Variants in ZNF516 observed in about 807,000 individuals in gnomAD.
ZNF516 encodes the protein zinc finger protein 516.
ZNF516 carries 19 observed loss-of-function variants against 79.7 expected under a neutral mutation model. The ratio of observed to expected loss-of-function variants is 0.24; its 90% CI spans 0.17 to 0.35. The LOEUF is 0.35. Among genes scored for constraint, ZNF516 ranks in the 10% least tolerant of loss-of-function variants. The pLI, the probability that ZNF516 is intolerant of heterozygous loss-of-function variation, is 1.00. For missense variants in ZNF516, 1,678 were observed against 1,679.5 expected (o/e 1.00, Z 0.02); for synonymous variants, 877 against 739.5 (o/e 1.19, Z -3.02).
rs1319953032 is a variant in ZNF516 at position 76,357,870 on chromosome 18, G to C, written c.*4628C>G. Among the ~76,000 whole-genome samples the C allele has an allele frequency of 2.0e-5, 3 of 152,096 alleles. No homozygotes were observed. The highest frequency in any genetic ancestry group is 2.9e-5 in the Non-Finnish European group (2 of 68,036). The stretch of plus-strand genomic sequence containing the variant: ...CCCTGTGCGTCCTGTATGGGTGACA[G>C]TGCAAGGGTAAGAACAGTGGGTGTA... On this transcript the variant is annotated 3_prime_UTR_variant, in exon 7 of 7. Transcript: ENST00000443185.
At chr18:76,431,004 A>C (rs920041449) in intron 3 of ZNF516, among the ~76,000 whole-genome samples, 1 of 152,366 alleles carries the variant, frequency 6.6e-6, no homozygotes, top group South Asian at 2.1e-4. Flanking sequence ...CCTTTAATCC[A>C]GAGACAAATA....
intron 4 of ZNF516, among the ~76,000 whole-genome samples, chr18:76,376,949 T>G (rs2074797389): frequency 6.6e-6 from 1 of 152,200 alleles, no homozygotes; most frequent in Admixed American, 6.5e-5. Flanking sequence ...CCACTCAGCC[T>G]TCTCTGCTTT....
chr18:76,367,264 C>T (rs1402587071), intron 6 of ZNF516, among the ~76,000 whole-genome samples: 1 of 152,208 alleles, frequency 6.6e-6, no homozygotes, highest in Non-Finnish European at 1.5e-5. Flanking sequence ...CTCTCTCCGG[C>T]CCCATGCCAG....
intron 3 of ZNF516, among the ~76,000 whole-genome samples, chr18:76,423,741 TACACACGCAGGTGAAAAGGCTCCCCCGAA>T (rs1568279004): frequency 6.7e-5 from 4 of 60,094 alleles, no homozygotes; most frequent in South Asian, 9.8e-4. Flanking sequence ...TCCTGAAACA[TACACACGCAGGTGAAAAGGCTCCCCCGAA>T]ACACACGCAG....
At position 76,442,395 on chromosome 18, in the gene ZNF516, C is replaced by G. The variant is rs1192573442; in HGVS notation, c.660G>C (p.Glu220Asp). The change falls in exon 3 of 7, where the codon GAG (glutamate) becomes GAC (aspartate). Residue 220 changes from glutamate to aspartate, a missense_variant. Transcript: ENST00000443185. ...GCCCCTGCGCGGTGATGTGGTCCCT[C>G]TCGATGTGGCTCAGCAGCGACTCCT... is the stretch of plus-strand genomic sequence containing the variant. Reference protein sequence around the residue: ...LREESLLSHIERDHITAQGPG... With the variant: ...LREESLLSHIDRDHITAQGPG... 10 of 1,608,286 alleles carry G rather than the reference C, an allele frequency of 6.2e-6. No individual in the cohort carries two copies. Among genetic ancestry groups the G allele is most frequent in the East Asian group, 4.5e-5 (2 of 44,872 alleles).
intron 1 of ZNF516, chr18:76,490,552 T>C (rs1465951454): frequency 5.9e-6 from 1 of 169,628 alleles, no homozygotes; most frequent in African/African-American, 2.4e-5. Flanking sequence ...AATAAGGTGG[T>C]TTTTAAAATA....
intron 1 of ZNF516, among the ~76,000 whole-genome samples, chr18:76,481,838 A>G (rs1339106578): frequency 6.6e-6 from 1 of 152,236 alleles, no homozygotes; most frequent in Non-Finnish European, 1.5e-5. Context: ...TAAAATTTCT[A>G]TTAATTTAAT....
chr18:76,383,344 C>A (rs2074925422), intron 3 of ZNF516, among the ~76,000 whole-genome samples: 1 of 152,034 alleles, frequency 6.6e-6, no homozygotes, highest in South Asian at 2.1e-4. Flanking sequence ...GAACCAAGCA[C>A]CTTCTCAGCC....
chr18:76,440,260 A>G (rs1325762487), intron 3 of ZNF516, among the ~76,000 whole-genome samples: 3 of 152,236 alleles, frequency 2.0e-5, no homozygotes, highest in Admixed American at 1.3e-4. Flanking sequence ...TCTAATAAGG[A>G]AAAATGACAC....
chr18:76,479,966 T>C (rs1914405711), intron 1 of ZNF516, among the ~76,000 whole-genome samples: 4 of 152,052 alleles, frequency 2.6e-5, no homozygotes. Flanking sequence ...GTGTCCTGGT[T>C]TGAAAACAAA....
intron 2 of ZNF516, among the ~76,000 whole-genome samples, chr18:76,460,442 G>A (rs766821373): frequency 6.6e-6 from 1 of 152,100 alleles, no homozygotes; most frequent in Non-Finnish European, 1.5e-5. Flanking sequence ...CCAATAAAAG[G>A]GGTACAATCT....
intron 4 of ZNF516, among the ~76,000 whole-genome samples, chr18:76,375,978 C>T (rs1489694082): frequency 6.8e-6 from 1 of 148,086 alleles, no homozygotes; most frequent in Non-Finnish European, 1.5e-5. Context: ...AAGATGGACA[C>T]GGAAGGTCCC....
intron 3 of ZNF516, among the ~76,000 whole-genome samples, chr18:76,382,881 A>G (rs1236517776): frequency 1.3e-5 from 2 of 152,128 alleles, no homozygotes; most frequent in Non-Finnish European, 2.9e-5. Context: ...CCTCGTCTCT[A>G]CTAAAAATAC....
At chr18:76,496,349 C>T (rs1245942148), upstream of ZNF516, 1 of 1,289,600 alleles carries the variant, frequency 7.8e-7, no homozygotes, top group East Asian at 5.5e-5. Context: ...TCCAAGACGC[C>T]CAACGTGGCT....
intron 3 of ZNF516, among the ~76,000 whole-genome samples, chr18:76,435,234 T>C (rs1241958306): frequency 6.6e-6 from 1 of 152,230 alleles, no homozygotes. Context: ...CCCACATGTA[T>C]TTCTCAGTGG....
rs2074524097 is a variant in ZNF516, at chr18:76,360,776, C to T, written c.*1722G>A. 7.0e-6 allele frequency: 1 copy of T among 141,996 alleles called. No individual in the cohort carries two copies. The highest frequency in any genetic ancestry group is 1.5e-5 in the Non-Finnish European group (1 of 65,876). 8.8% of individuals were successfully genotyped at this position (141,996 alleles called of 1,614,324 possible). A position where few individuals can be genotyped will look rare whatever the true frequency, so the allele number is the denominator to read the frequency against. ...GTAACAAGTAGAATCCAGAACCAAACATTACTAATAACAATAACAATAATA... is the reference window on the plus strand; with the variant it reads ...GTAACAAGTAGAATCCAGAACCAAATATTACTAATAACAATAACAATAATA... On this transcript the variant is annotated 3_prime_UTR_variant, in exon 7 of 7. Transcript: ENST00000443185.
chr18:76,377,448 G>A (rs2074806348), intron 4 of ZNF516, among the ~76,000 whole-genome samples: 1 of 152,272 alleles, frequency 6.6e-6, no homozygotes, highest in Admixed American at 6.5e-5. Context: ...AAAACACCTT[G>A]GGTGGGCATC....
intron 1 of ZNF516, chr18:76,492,833 G>A (rs1265490243): frequency 3.0e-6 from 3 of 985,836 alleles, no homozygotes; most frequent in Middle Eastern, 5.1e-4. Context: ...CTCCGTGGGG[G>A]CTGCTGCGTG....
chr18:76,398,956 T>C (rs2075181933), intron 3 of ZNF516, among the ~76,000 whole-genome samples: 1 of 152,158 alleles, frequency 6.6e-6, no homozygotes, highest in Non-Finnish European at 1.5e-5. Context: ...TCTTCAGATT[T>C]AAAATCAGGC....
Sources: gnomAD v4.1 joint callset for allele counts (sites outside exome capture counted in the v4.1 genomes callset) on GRCh38, gnomAD v4.1.1 for gene constraint, MANE v1.5 for transcripts, NCBI Gene and HGNC (gene_info 2026-07-23, HGNC 2026-07-21) for gene names.